WASHC4: variants seen among roughly 807,000 people sequenced by gnomAD.
The protein encoded by WASHC4 is WASH complex subunit 4.
In WASHC4, 86 loss-of-function variants were observed where a neutral mutation model predicts 166.6. The ratio of observed to expected loss-of-function variants is 0.52; its 90% CI spans 0.43 to 0.62. WASHC4 has a LOEUF of 0.62. WASHC4 is among the 20% of genes least tolerant of loss of function. WASHC4 has a pLI of 0.00. For synonymous variants in WASHC4, 446 were observed against 451.6 expected (o/e 0.99, Z 0.16); for missense variants, 1,262 against 1,382.4 (o/e 0.91, Z 1.38).
At chr12:105,130,414 A>G (rs1296468753) in intron 13 of WASHC4, among the ~76,000 whole-genome samples, 1 of 152,236 alleles carries the variant, frequency 6.6e-6, no homozygotes, top group Non-Finnish European at 1.5e-5. Context: ...CAGTTGAATA[A>G]GTTGACTTTC....
intron 11 of WASHC4, 52 bp from the exon 12 acceptor site, chr12:105,126,183 G>A: frequency 6.2e-7 from 1 of 1,612,342 alleles, no homozygotes; most frequent in Non-Finnish European, 8.5e-7. Flanking sequence ...TTCCTTAAAA[G>A]CATAATTGAA....
intron 24 of WASHC4, chr12:105,148,669 G>C (rs984421827): frequency 1.0e-6 from 1 of 985,300 alleles, no homozygotes; most frequent in Middle Eastern, 5.2e-4. Flanking sequence ...TACAAGATAA[G>C]TTCCCGAAAA....
intron 18 of WASHC4, 91 bp downstream of exon 18, chr12:105,141,337 A>G (rs1882832503): frequency 1.0e-6 from 1 of 955,630 alleles, no homozygotes; most frequent in African/African-American, 1.6e-5. Flanking sequence ...GAAGAAATAA[A>G]ATTCAGATCG....
At chr12:105,111,298 A>G in intron 2 of WASHC4, 34 bp downstream of exon 2, 1 of 1,407,812 alleles carries the variant, frequency 7.1e-7, no homozygotes, top group South Asian at 1.2e-5. Context: ...ATATGTATAT[A>G]TTTTCTGGAC....
chr12:105,107,861 A>G lies in WASHC4; in HGVS notation c.61A>G (p.Lys21Glu). The change falls in exon 1 of 33, where the codon AAA (lysine) becomes GAA (glutamate). Residue 21 changes from lysine (K) to glutamate (E), a missense_variant and splice_region_variant. Lys to Glu is a moderately conservative substitution (Grantham distance 56). Coordinates refer to ENST00000332180, the MANE Select transcript of WASHC4 (RefSeq NM_015275.3). ...EFDRVDDGSQ[K>E]IHAEVQLKNY... ...TGACCGCGTTGACGACGGCTCGCAG[A>G]GTAAGGGAGCTGCAGGGCGAGGGCT... The G allele has an allele frequency of 3.2e-6, 5 of 1,548,774 alleles. No homozygotes were observed. The highest frequency in any genetic ancestry group is 3.5e-6 in the Non-Finnish European group (4 of 1,144,832).
chr12:105,146,733 A>AT lies in WASHC4; in HGVS notation c.2409+216dup, dbSNP rs1244080555. On this transcript the variant is annotated intron_variant, in intron 23 of 32. Coordinates refer to ENST00000332180, the MANE Select transcript of WASHC4 (RefSeq NM_015275.3). Reference sequence around the variant, plus strand: ...GGACAAGAAGTGTTTTGGATTTCAGATTTTTTTTTGGATTTTGGAATATTC... The same window carrying AT: ...GGACAAGAAGTGTTTTGGATTTCAGATTTTTTTTTTGGATTTTGGAATATTC... Among the ~76,000 whole-genome samples the AT allele has an allele frequency of 8.6e-5, 13 of 151,318 alleles. No individual in the cohort carries two copies. The East Asian group carries it at 1.5e-3, about 18-fold the overall frequency.
intron 15 of WASHC4, 32 bp from the exon 16 acceptor site, chr12:105,140,262 A>T (rs1882715964): frequency 1.3e-6 from 2 of 1,519,374 alleles, no homozygotes; most frequent in Non-Finnish European, 1.8e-6. Flanking sequence ...TTTTAAGTTG[A>T]TTGTCAGAAA....
intron 28 of WASHC4, among the ~76,000 whole-genome samples, chr12:105,158,857 A>C (rs1313384698): frequency 6.6e-6 from 1 of 152,254 alleles, no homozygotes; most frequent in Admixed American, 6.5e-5. Flanking sequence ...CAGTTGTGTC[A>C]AAATGTTAAC....
At chr12:105,144,685 T>A (rs929398683) in intron 21 of WASHC4, 33 bp from the exon 22 acceptor site, 10 of 1,585,860 alleles carry the variant, frequency 6.3e-6, no homozygotes, top group Non-Finnish European at 8.6e-6. Context: ...CCTTTTCTAC[T>A]GTTTCACAAG....
intron 10 of WASHC4, 101 bp downstream of exon 10, chr12:105,122,339 T>C: frequency 7.7e-7 from 1 of 1,295,468 alleles, no homozygotes; most frequent in Non-Finnish European, 1.1e-6. Context: ...TGAATATAAT[T>C]TTCTTTAAAA....
rs534132910 is a variant in WASHC4 at position 105,149,865 on chromosome 12, A to T, written c.2649+116A>T. ...GGGGTTTTAGTTTTATTTTCCCTAT[A>T]ATTTCTTACTCTGCATTATCTGTAG... On this transcript the variant is annotated intron_variant, in intron 25 of 32. Transcript: ENST00000332180. 3 of 1,029,794 alleles carry T rather than the reference A, an allele frequency of 2.9e-6. No individual in the cohort carries two copies. In the East Asian group the frequency reaches 8.3e-5, roughly 28 times the overall value. The allele number at this position is 1,029,794 out of a possible 1,614,324, so 63.8% of individuals were successfully genotyped here.
rs1439092933 is a variant in WASHC4 at position 105,166,027 on chromosome 12, T to G, written c.3455-837T>G. On this transcript the variant is annotated intron_variant, in intron 32 of 32. Transcript: ENST00000332180. ...GCCAGAACCTTTTCCCCAGCCCAGG[T>G]GACTGGGAAAACTCTGCGGGGCGAT... is the stretch of plus-strand genomic sequence containing the variant. 2.6e-5 allele frequency among the ~76,000 whole-genome samples: 4 copies of G among 152,300 alleles called. No homozygotes were observed. In the East Asian group the frequency reaches 7.7e-4, roughly 29 times the overall value.
intron 32 of WASHC4, among the ~76,000 whole-genome samples, chr12:105,165,190 CT>C: frequency 6.6e-6 from 1 of 152,254 alleles, no homozygotes; most frequent in Admixed American, 6.5e-5. Context: ...AGCATCCTGC[CT>C]TCTTTCATAG....
chr12:105,113,069 A>C (rs1879839338), intron 2 of WASHC4, among the ~76,000 whole-genome samples: 1 of 151,978 alleles, frequency 6.6e-6, no homozygotes, highest in Admixed American at 6.6e-5. Flanking sequence ...ATCCCCCCCC[A>C]AATTTGTAAT....
intron 13 of WASHC4, among the ~76,000 whole-genome samples, 181 bp downstream of exon 13, chr12:105,127,470 T>C (rs899212339): frequency 6.6e-6 from 1 of 152,172 alleles, no homozygotes; most frequent in African/African-American, 2.4e-5. Flanking sequence ...TATTTTACAC[T>C]TAAAGTCAAT....
At chr12:105,154,635 G>C (rs1009484181) in intron 26 of WASHC4, among the ~76,000 whole-genome samples, 1 of 152,124 alleles carries the variant, frequency 6.6e-6, no homozygotes, top group African/African-American at 2.4e-5. Context: ...TGATATTTAT[G>C]ACAGTAAACA....
chr12:105,158,663 T>C (rs1372114714), intron 28 of WASHC4, among the ~76,000 whole-genome samples: 1 of 152,240 alleles, frequency 6.6e-6, no homozygotes, highest in African/African-American at 2.4e-5. Flanking sequence ...ATTTGAGGAA[T>C]AATTGGGGGA....
rs1333515580 is a variant in WASHC4, at chr12:105,160,085, T to A, written c.2997T>A (p.Ala999=). 1 of 1,613,786 alleles carries A rather than the reference T, an allele frequency of 6.2e-7. No homozygotes were observed. Among genetic ancestry groups the A allele is most frequent in the Non-Finnish European group, 8.5e-7 (1 of 1,179,662 alleles). Residue 999 remains alanine, a synonymous_variant, in exon 29 of 33, where the codon GCT becomes GCA. Coordinates refer to ENST00000332180, the MANE Select transcript of WASHC4 (RefSeq NM_015275.3). ...TCAAAATGCTTGTAGACGTTTTTGCTCCAGAATTTCGAAGGCCAAAGAATA... is the reference window on the plus strand; with the variant it reads ...TCAAAATGCTTGTAGACGTTTTTGCACCAGAATTTCGAAGGCCAAAGAATA... ...EYFKMLVDVF[A]PEFRRPKNIH...
chr12:105,109,346 C>T (rs1200438174), intron 1 of WASHC4, among the ~76,000 whole-genome samples: 3 of 152,120 alleles, frequency 2.0e-5, no homozygotes, highest in African/African-American at 7.2e-5. Context: ...TGGTCTGATT[C>T]ACTCAACAGA....
Sources: gnomAD v4.1 joint callset for allele counts (sites outside exome capture counted in the v4.1 genomes callset) on GRCh38, gnomAD v4.1.1 for gene constraint, MANE v1.5 for transcripts, NCBI Gene and HGNC (gene_info 2026-07-23, HGNC 2026-07-21) for gene names.